The following CDH4 variants were observed in gnomAD, a reference collection of about 807,000 sequenced individuals.
CDH4 encodes the protein cadherin-4.
A neutral mutation model predicts 86.0 loss-of-function variants in CDH4; 33 were observed. The ratio of observed to expected loss-of-function variants is 0.38; its 90% CI spans 0.29 to 0.51. CDH4 has a LOEUF of 0.51. CDH4 is among the 20% of genes least tolerant of loss of function. The pLI is 0.86. For synonymous variants in CDH4, 555 were observed against 549.4 expected, an observed-to-expected ratio of 1.01 and a Z score of -0.14; for missense variants, 1,114 against 1,307.4, an observed-to-expected ratio of 0.85 and a Z score of 2.28.
intron 2 of CDH4, among the ~76,000 whole-genome samples, chr20:61,490,484 AG>A (rs1373016687): frequency 2.0e-5 from 3 of 152,202 alleles, no homozygotes; most frequent in Non-Finnish European, 2.9e-5. Flanking sequence ...GTGGATCATG[AG>A]GTCAGGGGTT....
chr20:61,335,620 A>C (rs955604119), intron 2 of CDH4, among the ~76,000 whole-genome samples: 2 of 152,168 alleles, frequency 1.3e-5, no homozygotes, highest in Non-Finnish European at 2.9e-5. Context: ...ATTCAAACTG[A>C]GGTGGGATCA....
intron 2 of CDH4, among the ~76,000 whole-genome samples, chr20:61,342,059 G>A (rs2084651860): frequency 6.6e-6 from 1 of 152,176 alleles, no homozygotes; most frequent in Non-Finnish European, 1.5e-5. Flanking sequence ...GCAGAGCTAT[G>A]GATGACTGCC....
At chr20:61,288,973 G>GA (rs11086732) in intron 2 of CDH4, among the ~76,000 whole-genome samples, 112,757 of 151,762 alleles carry the variant, frequency 0.74, 42,477 homozygotes, top group East Asian at 0.92. Flanking sequence ...ATTAGGGAAG[G>GA]AAAAAAAATG....
chr20:61,636,150 C>T (rs2086944480), intron 2 of CDH4, among the ~76,000 whole-genome samples: 1 of 152,206 alleles, frequency 6.6e-6, no homozygotes, highest in South Asian at 2.1e-4. Flanking sequence ...CTTGCCCCGC[C>T]CTTCCTTTGG....
chr20:61,669,580 AG>A (rs1307522729), intron 2 of CDH4, among the ~76,000 whole-genome samples: 5 of 152,208 alleles, frequency 3.3e-5, no homozygotes, highest in African/African-American at 1.2e-4. Context: ...AAACTGAAGA[AG>A]GGTGGCTCAA....
chr20:61,564,567 A>G (rs55652828), intron 2 of CDH4, among the ~76,000 whole-genome samples: 7,115 of 152,186 alleles, frequency 0.047, 304 homozygotes, highest in African/African-American at 0.12. Flanking sequence ...ACCCTCCACC[A>G]TGATTGAAGC....
intron 11 of CDH4, among the ~76,000 whole-genome samples, chr20:61,926,096 C>T (rs893948599): frequency 1.3e-4 from 20 of 152,128 alleles, no homozygotes; most frequent in African/African-American, 3.6e-4. Context: ...CCAAGGAGAC[C>T]GGAGAGAAAC....
intron 2 of CDH4, among the ~76,000 whole-genome samples, chr20:61,539,133 G>A (rs1238951530): frequency 1.3e-5 from 2 of 152,182 alleles, no homozygotes; most frequent in East Asian, 1.9e-4. Flanking sequence ...GCTGCCCACC[G>A]TGGCCGGTGC....
At chr20:61,380,323 A>G (rs2084892761) in intron 2 of CDH4, among the ~76,000 whole-genome samples, 1 of 152,196 alleles carries the variant, frequency 6.6e-6, no homozygotes, top group African/African-American at 2.4e-5. Context: ...TCAATGGTTG[A>G]ATGGACACCA....
intron 13 of CDH4, among the ~76,000 whole-genome samples, chr20:61,930,740 G>A (rs2055097035): frequency 6.6e-6 from 1 of 152,234 alleles, no homozygotes; most frequent in Non-Finnish European, 1.5e-5. Flanking sequence ...CATTTCTGAG[G>A]CTTGTTTTGA....
At chr20:61,890,210 GATGT>G (rs1984755781) in intron 7 of CDH4, among the ~76,000 whole-genome samples, 2 of 151,048 alleles carry the variant, frequency 1.3e-5, no homozygotes, top group Admixed American at 1.3e-4. Context: ...TGGATAGATG[GATGT>G]TGGATGGGTG....
intron 4 of CDH4, among the ~76,000 whole-genome samples, chr20:61,842,641 T>G (rs1982230543): frequency 6.6e-6 from 1 of 152,252 alleles, no homozygotes; most frequent in Admixed American, 6.5e-5. Context: ...CTTATTTTTT[T>G]CTCAAGTTTA....
intron 14 of CDH4, 107 bp from the exon 15 acceptor site, chr20:61,933,949 G>C: frequency 7.6e-7 from 1 of 1,308,416 alleles, no homozygotes; most frequent in South Asian, 1.3e-5. Flanking sequence ...CCAGGCCACA[G>C]GGCAGCAGGT....
intron 2 of CDH4, among the ~76,000 whole-genome samples, chr20:61,400,719 G>A (rs961844925): frequency 3.3e-5 from 5 of 152,136 alleles, no homozygotes; most frequent in Non-Finnish European, 5.9e-5. Context: ...GCTTCTCTGG[G>A]TCCCTTGGTG....
At chr20:61,547,834 C>T (rs968635033) in intron 2 of CDH4, among the ~76,000 whole-genome samples, 6 of 152,232 alleles carry the variant, frequency 3.9e-5, no homozygotes, top group South Asian at 2.1e-4. Flanking sequence ...TGCACATACA[C>T]GCACATATGT....
At chr20:61,562,265 TCCGTGTGGAGAGGTGGACCCCAGGGC>T in intron 2 of CDH4, among the ~76,000 whole-genome samples, 3 of 80,552 alleles carry the variant, frequency 3.7e-5, no homozygotes, top group African/African-American at 1.8e-4. Context: ...GAGAGGGACC[TCCGTGTGGAGAGGTGGACCCCAGGGC>T]TCCCGGAGAG....
intron 2 of CDH4, among the ~76,000 whole-genome samples, chr20:61,330,723 T>C (rs1462334506): frequency 1.3e-5 from 2 of 152,210 alleles, no homozygotes; most frequent in Non-Finnish European, 2.9e-5. Flanking sequence ...AATTCGCTTT[T>C]CTCACGTGAG....
chr20:61,399,088 C>G (rs951718177), intron 2 of CDH4, among the ~76,000 whole-genome samples: 5 of 151,876 alleles, frequency 3.3e-5, no homozygotes, highest in African/African-American at 1.2e-4. Flanking sequence ...CCACTCAGAA[C>G]CTTAACAATT....
In CDH4 at chr20:61,829,619, G is replaced by C. The variant is rs1039269402; in HGVS notation, c.577-15049G>C. Among the ~76,000 whole-genome samples the C allele has an allele frequency of 2.0e-5, 3 of 152,214 alleles. No individual in the cohort carries two copies. Among genetic ancestry groups the C allele is most frequent in the African/African-American group, 7.2e-5 (3 of 41,458 alleles). ...CGGGCCTCCTGTTGAGGAAGCCCTG[G>C]CGAGTGGGGGCTCCTCTGCCAAGCA... On this transcript the variant is annotated intron_variant, in intron 4 of 15. Coordinates refer to ENST00000614565, the MANE Select transcript of CDH4 (RefSeq NM_001794.5). This position sits in a 1 kb window ranked among gnomAD's most constrained non-coding sequence, Gnocchi z 4.2.
Sources: gnomAD v4.1 joint callset for allele counts (sites outside exome capture counted in the v4.1 genomes callset) on GRCh38, gnomAD v4.1.1 for gene constraint, Gnocchi (gnomAD v3.1) non-coding constraint, MANE v1.5 for transcripts, NCBI Gene and HGNC (gene_info 2026-07-23, HGNC 2026-07-21) for gene names.